The following MINK1 variants were observed in gnomAD, a reference collection of about 807,000 sequenced individuals.
MINK1 encodes misshapen like kinase 1.
MINK1 carries 46 observed loss-of-function variants against 178.4 expected under a neutral mutation model. The observed-to-expected ratio is 0.26, with a 90% CI of 0.20 to 0.33. MINK1 has a LOEUF of 0.33. MINK1 is among the 10% of genes least tolerant of loss of function. The pLI is 1.00. For synonymous variants in MINK1, 797 were observed against 709.7 expected (o/e 1.12, Z -1.96); for missense variants, 1,366 against 1,814.9 (o/e 0.75, Z 4.49).
chr17:4,892,474 GC>G lies in MINK1; in HGVS notation c.2165del (p.Pro722LeufsTer84). 6.4e-7 allele frequency: 1 copy of G among 1,564,842 alleles called. No homozygotes were observed. The highest frequency in any genetic ancestry group is 1.9e-5 in the Admixed American group (1 of 53,198). ...AGCGGGGCACCCCAAAGCCTCCAGG[GC>G]CCCCTGCTCAGCCCCCTGGCCCGCC... is the stretch of plus-strand genomic sequence containing the variant. ...AERGTPKPPG[P>X]PAQPPGPPNA... On this transcript the variant is annotated frameshift_variant, in exon 18 of 32. Coordinates refer to ENST00000355280, the MANE Select transcript of MINK1 (RefSeq NM_153827.5). LOFTEE classifies it high-confidence loss of function.
intron 1 of MINK1, among the ~76,000 whole-genome samples, chr17:4,877,154 T>C (rs1425886054): frequency 6.6e-6 from 1 of 151,572 alleles, no homozygotes; most frequent in African/African-American, 2.4e-5. Flanking sequence ...TACTGGGCTG[T>C]ATCTCTCTTC....
chr17:4,844,489 T>G, intron 1 of MINK1: 1 of 463,136 alleles, frequency 2.2e-6, no homozygotes, highest in Admixed American at 2.3e-5. Flanking sequence ...CCAGGAGCAC[T>G]TGGCCTCTAG....
At chr17:4,849,323 C>G (rs114196435) in intron 1 of MINK1, among the ~76,000 whole-genome samples, 1 of 152,172 alleles carries the variant, frequency 6.6e-6, no homozygotes, top group African/African-American at 2.4e-5. Context: ...AGCATTCAGC[C>G]TGAGGGGAAA....
In MINK1 at chr17:4,833,369, A is replaced by C; in HGVS notation, c.-215A>C. The C allele has an allele frequency of 1.1e-5, 5 of 441,692 alleles. No individual in the cohort carries two copies. Among genetic ancestry groups the C allele is most frequent in the African/African-American group, 2.2e-5 (1 of 46,470 alleles). The allele number at this position is 441,692 out of a possible 1,614,324, so 27.4% of individuals were successfully genotyped here. A position where few individuals can be genotyped will look rare whatever the true frequency, so the allele number is the denominator to read the frequency against. On this transcript the variant is annotated 5_prime_UTR_variant, in exon 1 of 32. Coordinates refer to ENST00000355280, the MANE Select transcript of MINK1 (RefSeq NM_153827.5). This position sits in a 1 kb window ranked among gnomAD's most constrained non-coding sequence, Gnocchi z 4.8. ...CGCGGTCGCTCCGCGCCTGCGCAGG[A>C]GAGGTGGTAGGCTCGGGTGGCTGGC...
rs775944221 is a variant in MINK1, at chr17:4,897,311, C to G, written c.*24C>G. The G allele has an allele frequency of 1.2e-6, 2 of 1,605,260 alleles. No individual in the cohort carries two copies. The highest frequency in any genetic ancestry group is 2.2e-5 in the South Asian group (2 of 90,696). Reference sequence around the variant, plus strand: ...GACGGGGCCCTGGGCTGGGGCTGTCCCACACTGGACCCAGCTCTCCCCCTG... The same window carrying G: ...GACGGGGCCCTGGGCTGGGGCTGTCGCACACTGGACCCAGCTCTCCCCCTG... On this transcript the variant is annotated 3_prime_UTR_variant, in exon 32 of 32. Transcript: ENST00000355280.
chr17:4,852,017 A>AAAAAC (rs1488741074), intron 1 of MINK1, among the ~76,000 whole-genome samples: 27 of 151,460 alleles, frequency 1.8e-4, no homozygotes, highest in African/African-American at 6.3e-4. Flanking sequence ...AAAAAAAAAA[A>AAAAAC]AAAAAAAAAA....
intron 15 of MINK1, 50 bp from the exon 16 acceptor site, chr17:4,891,406 G>T (rs1436818688): frequency 6.6e-7 from 1 of 1,513,162 alleles, no homozygotes; most frequent in Non-Finnish European, 8.8e-7. Flanking sequence ...TTCGCAGGTG[G>T]GGATGTGCCA....
intron 1 of MINK1, among the ~76,000 whole-genome samples, chr17:4,872,645 G>T (rs1168090468): frequency 6.6e-6 from 1 of 150,906 alleles, no homozygotes; most frequent in Non-Finnish European, 1.5e-5. Flanking sequence ...GGTGGTGCGC[G>T]CCTGTAATCC....
At chr17:4,882,763 TG>T (rs1967816043) in intron 4 of MINK1, among the ~76,000 whole-genome samples, 1 of 152,222 alleles carries the variant, frequency 6.6e-6, no homozygotes, top group Non-Finnish European at 1.5e-5. Flanking sequence ...CACGTTTCAA[TG>T]TTTTACACTT....
chr17:4,876,259 C>T (rs768982938), intron 1 of MINK1, among the ~76,000 whole-genome samples: 3 of 152,188 alleles, frequency 2.0e-5, no homozygotes, highest in Non-Finnish European at 4.4e-5. Flanking sequence ...CAGGCTGCCG[C>T]GTGCCAGGCC....
At chr17:4,847,428 C>T (rs905832077) in intron 1 of MINK1, among the ~76,000 whole-genome samples, 8 of 152,154 alleles carry the variant, frequency 5.3e-5, no homozygotes, top group Non-Finnish European at 1.0e-4. Context: ...TGGTTTGAAT[C>T]CAAGTCTGTC....
chr17:4,891,668 C>T lies in MINK1; in HGVS notation c.1953C>T (p.Ser651=), dbSNP rs372339707. Reference sequence around the variant, plus strand: ...CCACCTCTGAAGGACCTGGCCCCAGCCCGAATCCCCCAGCCTGGGTCCGCC... The same window carrying T: ...CCACCTCTGAAGGACCTGGCCCCAGTCCGAATCCCCCAGCCTGGGTCCGCC... The part of the protein sequence containing the change: ...SDPTSEGPGP[S]PNPPAWVRPD... The change falls in exon 16 of 32, where the codon AGC becomes AGT. Residue 651 remains serine (S), a synonymous_variant. Transcript: ENST00000355280. 9 of 1,600,596 alleles carry T rather than the reference C, an allele frequency of 5.6e-6. No individual in the cohort carries two copies. Among genetic ancestry groups the T allele is most frequent in the African/African-American group, 2.7e-5 (2 of 74,822 alleles).
At chr17:4,892,053 C>A in intron 16 of MINK1, 96 bp from the exon 17 acceptor site, 1 of 1,032,962 alleles carries the variant, frequency 9.7e-7, no homozygotes, top group South Asian at 1.4e-5. Flanking sequence ...TCTCATCCAT[C>A]AAAGTGGGGG....
At chr17:4,874,427 C>T (rs1966986538) in intron 1 of MINK1, among the ~76,000 whole-genome samples, 1 of 152,198 alleles carries the variant, frequency 6.6e-6, no homozygotes, top group Non-Finnish European at 1.5e-5. Context: ...TGGGGAGCCC[C>T]ACTACCAGTT....
chr17:4,883,827 C>T (rs192762341), intron 4 of MINK1, among the ~76,000 whole-genome samples: 688 of 151,756 alleles, frequency 4.5e-3, no homozygotes, highest in Non-Finnish European at 6.9e-3. Flanking sequence ...AGTGAGCCTC[C>T]GCGCCCAGCC....
chr17:4,865,737 A>G (rs1394947665), intron 1 of MINK1, among the ~76,000 whole-genome samples: 3 of 145,392 alleles, frequency 2.1e-5, no homozygotes, highest in Admixed American at 1.4e-4. Context: ...AAAAAAAAAA[A>G]AAGCCAGTAT....
intron 1 of MINK1, among the ~76,000 whole-genome samples, chr17:4,842,256 C>T (rs1025485641): frequency 1.1e-4 from 17 of 149,680 alleles, no homozygotes; most frequent in Admixed American, 9.3e-4. Context: ...GGAGCACTAA[C>T]GGCATTTAGC....
chr17:4,869,379 C>G (rs893308561), intron 1 of MINK1, among the ~76,000 whole-genome samples: 1 of 151,918 alleles, frequency 6.6e-6, no homozygotes, highest in Non-Finnish European at 1.5e-5. Context: ...CAGAGTCAAG[C>G]AATTCTGCCT....
Position 4,896,936 on chromosome 17 carries a change from T to G in MINK1, c.3915+123T>G. The G allele has an allele frequency of 1.4e-5, 19 of 1,335,936 alleles. No individual in the cohort carries two copies. Among genetic ancestry groups the G allele is most frequent in the Non-Finnish European group, 1.9e-5 (19 of 997,862 alleles). 82.8% of individuals were successfully genotyped at this position (1,335,936 alleles called of 1,614,324 possible). A position where few individuals can be genotyped will look rare whatever the true frequency, so the allele number is the denominator to read the frequency against. ...CCTGAAAGCGGGCCCCTCTGGGAGC[T>G]CAGAGGGCAGTCAGCCACTACCACT... On this transcript the variant is annotated intron_variant, in intron 31 of 31. Coordinates refer to ENST00000355280, the MANE Select transcript of MINK1 (RefSeq NM_153827.5). The surrounding 1 kb of genome is among the most constrained non-coding windows in gnomAD (Gnocchi z 4.6).
Sources: gnomAD v4.1 joint callset for allele counts (sites outside exome capture counted in the v4.1 genomes callset) on GRCh38, gnomAD v4.1.1 for gene constraint, Gnocchi (gnomAD v3.1) non-coding constraint, MANE v1.5 for transcripts, NCBI Gene and HGNC (gene_info 2026-07-23, HGNC 2026-07-21) for gene names.